PRKAG2: variants seen among roughly 807,000 people sequenced by gnomAD.
The protein encoded by PRKAG2 is protein kinase AMP-activated non-catalytic subunit gamma 2.
PRKAG2 carries 26 observed loss-of-function variants against 69.6 expected under a neutral mutation model. The ratio of observed to expected loss-of-function variants is 0.37; its 90% CI spans 0.27 to 0.52. The LOEUF (loss-of-function observed/expected upper bound fraction) is 0.52, where lower values mean the gene tolerates loss of function less well. Among genes scored for constraint, PRKAG2 ranks in the 20% least tolerant of loss-of-function variants. The probability of loss-of-function intolerance (pLI) is 0.90; values close to 1 mark genes in which losing one functional copy is unlikely to be tolerated. For synonymous variants in PRKAG2, 293 were observed against 285.0 expected (o/e 1.03, Z -0.28); for missense variants, 557 against 740.0 (o/e 0.75, Z 2.87).
chr7:151,696,662 A>G (rs764314130), intron 3 of PRKAG2, among the ~76,000 whole-genome samples: 6 of 152,216 alleles, frequency 3.9e-5, no homozygotes, highest in Non-Finnish European at 7.3e-5. Flanking sequence ...TTTCAAAAGC[A>G]GAGAGTCTGG....
At chr7:151,816,570 TCATCCTGG>T (rs769085843) in intron 1 of PRKAG2, among the ~76,000 whole-genome samples, 11 of 152,200 alleles carry the variant, frequency 7.2e-5, no homozygotes, top group Non-Finnish European at 1.2e-4. Context: ...GAAATAAGCA[TCATCCTGG>T]GATGTGCGGG....
At chr7:151,689,156 T>C (rs1429075783) in intron 3 of PRKAG2, among the ~76,000 whole-genome samples, 3 of 152,264 alleles carry the variant, frequency 2.0e-5, no homozygotes, top group African/African-American at 7.2e-5. Flanking sequence ...TTTTTTCCTG[T>C]GCTTTCTATA....
In PRKAG2 at chr7:151,771,670, T is replaced by C. The variant is rs1435890672; in HGVS notation, c.466+9482A>G. Among the ~76,000 whole-genome samples the C allele has an allele frequency of 1.3e-5, 2 of 152,248 alleles. No homozygotes were observed. Among genetic ancestry groups the C allele is most frequent in the African/African-American group, 4.8e-5 (2 of 41,452 alleles). ...TAAATATCTTTGTACATTAGGGATA[T>C]TAGTCCTCCATCAATTCATCATCTC... On this transcript the variant is annotated intron_variant, in intron 3 of 15. Coordinates refer to ENST00000287878, the MANE Select transcript of PRKAG2 (RefSeq NM_016203.4). The surrounding 1 kb of genome is among the most constrained non-coding windows in gnomAD (Gnocchi z 4.0).
At chr7:151,605,896 C>T (rs1362064818) in intron 5 of PRKAG2, among the ~76,000 whole-genome samples, 1 of 149,422 alleles carries the variant, frequency 6.7e-6, no homozygotes. Context: ...TGAGATTGTG[C>T]CACTGCACTC....
chr7:151,851,861 T>A (rs2079575880), intron 1 of PRKAG2, among the ~76,000 whole-genome samples: 1 of 152,084 alleles, frequency 6.6e-6, no homozygotes, highest in Non-Finnish European at 1.5e-5. Context: ...AAAACACTGC[T>A]CAGACTCAAC....
At chr7:151,751,611 T>C (rs1020444510) in intron 3 of PRKAG2, among the ~76,000 whole-genome samples, 8 of 152,284 alleles carry the variant, frequency 5.3e-5, no homozygotes, top group Admixed American at 4.6e-4. Context: ...GCTCAAGTGA[T>C]CATCCTGCCT....
chr7:151,835,417 C>T lies in PRKAG2; in HGVS notation c.114+41090G>A, dbSNP rs574167965. On this transcript the variant is annotated intron_variant, in intron 1 of 15. Coordinates refer to ENST00000287878, the MANE Select transcript of PRKAG2 (RefSeq NM_016203.4). The surrounding 1 kb of genome is among the most constrained non-coding windows in gnomAD (Gnocchi z 4.1). ...CTATGTTGCCCAGGCTGGTCTCGAA[C>T]TCCTTGGCTCAAGTGATCCTCCCAC... Among the ~76,000 whole-genome samples the T allele has an allele frequency of 3.3e-5, 5 of 152,094 alleles. No individual in the cohort carries two copies. The highest frequency in any genetic ancestry group is 1.2e-4 in the African/African-American group (5 of 41,492).
chr7:151,748,474 G>A lies in PRKAG2; in HGVS notation c.466+32678C>T, dbSNP rs538085973. On this transcript the variant is annotated intron_variant, in intron 3 of 15. Transcript: ENST00000287878. ...ATTATCTGCCCCTCCATTTTAATAG[G>A]ACGTCAACATACAAGGTTTAACACT... Among the ~76,000 whole-genome samples the A allele has an allele frequency of 7.9e-5, 12 of 152,226 alleles. No individual in the cohort carries two copies. The South Asian group carries it at 2.5e-3, about 32-fold the overall frequency.
At chr7:151,735,076 G>A (rs1404145485) in intron 3 of PRKAG2, among the ~76,000 whole-genome samples, 2 of 151,948 alleles carry the variant, frequency 1.3e-5, no homozygotes, top group African/African-American at 2.4e-5. Flanking sequence ...GGCTGGTCTC[G>A]AACTCCTGAC....
At chr7:151,876,437 A>T in intron 1 of PRKAG2, 70 bp downstream of exon 1, 1 of 1,469,964 alleles carries the variant, frequency 6.8e-7, no homozygotes, top group Non-Finnish European at 9.4e-7. Context: ...GTCCAGCGTT[A>T]ACCGCTTCGG....
intron 1 of PRKAG2, among the ~76,000 whole-genome samples, chr7:151,864,570 C>T (rs569801896): frequency 1.3e-5 from 2 of 152,364 alleles, no homozygotes; most frequent in East Asian, 3.9e-4. Flanking sequence ...TGAAAATACT[C>T]TATTACCTAT....
chr7:151,796,370 C>T (rs1475558011), intron 1 of PRKAG2, among the ~76,000 whole-genome samples: 3 of 152,156 alleles, frequency 2.0e-5, no homozygotes, highest in Non-Finnish European at 4.4e-5. Flanking sequence ...TGTGAAGGGC[C>T]GTTGTCCTGG....
At chr7:151,707,024 C>T (rs939439145) in intron 3 of PRKAG2, among the ~76,000 whole-genome samples, 3 of 152,256 alleles carry the variant, frequency 2.0e-5, no homozygotes, top group South Asian at 2.1e-4. Flanking sequence ...CCCTCGGCTG[C>T]GTCCTGGGTG....
intron 3 of PRKAG2, among the ~76,000 whole-genome samples, chr7:151,720,258 A>G (rs1424960136): frequency 6.6e-6 from 1 of 152,136 alleles, no homozygotes; most frequent in Admixed American, 6.5e-5. Flanking sequence ...GAGAAAGAAC[A>G]CAGACTTGCT....
At chr7:151,608,823 T>A (rs1222628376) in intron 5 of PRKAG2, among the ~76,000 whole-genome samples, 1 of 121,486 alleles carries the variant, frequency 8.2e-6, no homozygotes, top group Non-Finnish European at 1.9e-5. Flanking sequence ...GGATTAGACA[T>A]GGATTTTTTT....
intron 1 of PRKAG2, among the ~76,000 whole-genome samples, chr7:151,831,409 G>C (rs1220523907): frequency 1.3e-5 from 2 of 152,144 alleles, no homozygotes; most frequent in Admixed American, 6.5e-5. Context: ...TAAAAAGGAA[G>C]GACTGACGCA....
At chr7:151,656,563 TAAC>T (rs1274789195) in intron 4 of PRKAG2, among the ~76,000 whole-genome samples, 1 of 152,018 alleles carries the variant, frequency 6.6e-6, no homozygotes, top group African/African-American at 2.4e-5. Flanking sequence ...CTCAAAACAA[TAAC>T]AACAACAAAC....
intron 3 of PRKAG2, among the ~76,000 whole-genome samples, chr7:151,724,545 A>T (rs1384107687): frequency 6.6e-6 from 1 of 152,016 alleles, no homozygotes; most frequent in East Asian, 1.9e-4. Flanking sequence ...GGGCCCTTGG[A>T]GGGTAGAGCT....
At chr7:151,561,167 G>C (rs1030426803) in intron 14 of PRKAG2, among the ~76,000 whole-genome samples, 1 of 152,154 alleles carries the variant, frequency 6.6e-6, no homozygotes, top group Admixed American at 6.5e-5. Flanking sequence ...AATTCAAGCT[G>C]ATTTGCTTGC....
Sources: gnomAD v4.1 joint callset for allele counts (sites outside exome capture counted in the v4.1 genomes callset) on GRCh38, gnomAD v4.1.1 for gene constraint, Gnocchi (gnomAD v3.1) non-coding constraint, MANE v1.5 for transcripts, NCBI Gene and HGNC (gene_info 2026-07-23, HGNC 2026-07-21) for gene names.